PILRA: variants seen among roughly 807,000 people sequenced by gnomAD.
PILRA encodes paired immunoglobulin-like type 2 receptor alpha.
Under a neutral mutation model 33.1 loss-of-function variants are expected in PILRA, and 37 were observed. The ratio of observed to expected loss-of-function variants is 1.12; its 90% CI spans 0.86 to 1.47. The LOEUF is 1.47. Ranked by LOEUF, PILRA falls within the 40% of genes most tolerant of loss-of-function variation. The probability of loss-of-function intolerance (pLI) is 0.00; values close to 1 mark genes in which losing one functional copy is unlikely to be tolerated. For missense variants in PILRA, 312 were observed against 376.2 expected, an observed-to-expected ratio of 0.83 and a Z score of 1.41; for synonymous variants, 146 against 149.9, an observed-to-expected ratio of 0.97 and a Z score of 0.19.
chr7:100,371,532 G>T (rs1044782865), upstream of PILRA, among the ~76,000 whole-genome samples: 2 of 152,142 alleles, frequency 1.3e-5, no homozygotes, highest in African/African-American at 4.8e-5. Flanking sequence ...TAGGATACTT[G>T]TTGGGGGAAT....
intron 2 of PILRA, among the ~76,000 whole-genome samples, chr7:100,387,746 A>C (rs1186944936): frequency 6.6e-6 from 1 of 152,076 alleles, no homozygotes; most frequent in African/African-American, 2.4e-5. Flanking sequence ...ACATTTAACA[A>C]CATATAATTG....
At chr7:100,382,816 C>G (rs985151850) in intron 2 of PILRA, among the ~76,000 whole-genome samples, 1 of 152,094 alleles carries the variant, frequency 6.6e-6, no homozygotes, top group Non-Finnish European at 1.5e-5. Flanking sequence ...TGTAGCTTCA[C>G]TCTGGAAGCC....
chr7:100,391,387 T>A (rs1332742430), intron 3 of PILRA, among the ~76,000 whole-genome samples: 8 of 151,844 alleles, frequency 5.3e-5, no homozygotes, highest in African/African-American at 1.9e-4. Flanking sequence ...AAAAATTTTT[T>A]ATAAATGACA....
At chr7:100,382,349 G>T (rs761836493) in intron 2 of PILRA, among the ~76,000 whole-genome samples, 3 of 152,142 alleles carry the variant, frequency 2.0e-5, no homozygotes, top group Non-Finnish European at 2.9e-5. Context: ...TTGGCACTCT[G>T]TATCTAGCTA....
chr7:100,399,402 ACC>A, intron 5 of PILRA, 62 bp downstream of exon 5: 2 of 1,464,388 alleles, frequency 1.4e-6, no homozygotes, highest in Non-Finnish European at 1.9e-6. Context: ...TTCCCCAAAT[ACC>A]CCCTACCTGG....
At chr7:100,372,051 G>GT (rs1315592703), upstream of PILRA, among the ~76,000 whole-genome samples, 3 of 152,284 alleles carry the variant, frequency 2.0e-5, no homozygotes, top group African/African-American at 7.2e-5. Flanking sequence ...AGGTCCTCAG[G>GT]TGGGGCGGGC....
chr7:100,372,050 G>C (rs183652212), upstream of PILRA, among the ~76,000 whole-genome samples: 537 of 152,300 alleles, frequency 3.5e-3, 4 homozygotes, highest in African/African-American at 0.012. Context: ...CAGGTCCTCA[G>C]GTGGGGCGGG....
intron 3 of PILRA, among the ~76,000 whole-genome samples, chr7:100,397,548 A>AG (rs1446263171): frequency 7.1e-6 from 1 of 139,984 alleles, no homozygotes; most frequent in Non-Finnish European, 1.6e-5. Context: ...TGTCAAGGGA[A>AG]GGGGAGGGGA....
intron 2 of PILRA, among the ~76,000 whole-genome samples, chr7:100,386,402 G>T (rs1205824645): frequency 1.3e-5 from 2 of 152,098 alleles, no homozygotes; most frequent in Non-Finnish European, 2.9e-5. Context: ...TATTTGGGAG[G>T]CTGAGACACG....
In PILRA at chr7:100,374,337, C is replaced by G; in HGVS notation, c.358C>G (p.Gln120Glu). Residue 120 changes from glutamine (Q) to glutamate (E), a missense_variant, in exon 2 of 7, where the codon CAG becomes GAG. Transcript: ENST00000198536. ...GATCTCCAACCTGCAGAAGCAGGAC[C>G]AGTCTGTGTATTTCTGCCGAGTTGA... is the stretch of plus-strand genomic sequence containing the variant. The part of the protein sequence containing the change: ...LRISNLQKQD[Q>E]SVYFCRVELD... 6.2e-7 allele frequency: 1 copy of G among 1,614,054 alleles called. No individual in the cohort carries two copies. The highest frequency in any genetic ancestry group is 8.5e-7 in the Non-Finnish European group (1 of 1,180,008).
intron 2 of PILRA, among the ~76,000 whole-genome samples, chr7:100,378,844 G>T (rs182204528): frequency 8.3e-4 from 126 of 152,270 alleles, no homozygotes; most frequent in Middle Eastern, 6.8e-3. Context: ...TGTAAACCCA[G>T]CACTTTGGGA....
chr7:100,385,177 A>C (rs1447007974), intron 2 of PILRA, among the ~76,000 whole-genome samples: 1 of 152,214 alleles, frequency 6.6e-6, no homozygotes, highest in East Asian at 1.9e-4. Context: ...CACAAAAATA[A>C]ATAGCTAAAG....
At position 100,373,598 on chromosome 7, in the gene PILRA, C is replaced by A. The variant is rs1326031192; in HGVS notation, c.-59C>A. 1 of 1,601,592 alleles carries A rather than the reference C, an allele frequency of 6.2e-7. No individual in the cohort carries two copies. The highest frequency in any genetic ancestry group is 1.1e-5 in the South Asian group (1 of 90,834). ...ACCCCCAGGCGGCCCCTCCACAGGG[C>A]CCCTCTCCTGCCTGGACGGCTCTGC... On this transcript the variant is annotated 5_prime_UTR_variant, in exon 1 of 7. Coordinates refer to ENST00000198536, the MANE Select transcript of PILRA (RefSeq NM_013439.3).
At chr7:100,397,574 G>T (rs535408514) in intron 3 of PILRA, among the ~76,000 whole-genome samples, 1 of 152,234 alleles carries the variant, frequency 6.6e-6, no homozygotes, top group East Asian at 1.9e-4. Flanking sequence ...GAAGTGACTG[G>T]GCGAGGGCTC....
At chr7:100,386,728 G>T (rs781153465) in intron 2 of PILRA, among the ~76,000 whole-genome samples, 59 of 151,174 alleles carry the variant, frequency 3.9e-4, no homozygotes, top group Admixed American at 1.3e-3. Context: ...GGGTCTCACT[G>T]TGCTGCCCAG....
chr7:100,394,707 T>G (rs1200412639), intron 3 of PILRA, among the ~76,000 whole-genome samples: 3 of 151,872 alleles, frequency 2.0e-5, no homozygotes, highest in African/African-American at 7.3e-5. Context: ...GTCAAAAGAC[T>G]TGACAAGGGT....
chr7:100,394,050 A>G (rs1791443412), intron 3 of PILRA, among the ~76,000 whole-genome samples: 1 of 152,166 alleles, frequency 6.6e-6, no homozygotes, highest in South Asian at 2.1e-4. Flanking sequence ...TGTAACTAAG[A>G]ATAATTGAAT....
chr7:100,389,028 T>C (rs1212317892), intron 2 of PILRA, among the ~76,000 whole-genome samples: 1 of 152,198 alleles, frequency 6.6e-6, no homozygotes, highest in Non-Finnish European at 1.5e-5. Context: ...TTTTTTCTTA[T>C]GTTTCCTTTT....
At chr7:100,389,815 A>G in intron 2 of PILRA, 73 bp from the exon 3 acceptor site, 1 of 1,269,616 alleles carries the variant, frequency 7.9e-7, no homozygotes, top group Non-Finnish European at 1.1e-6. Flanking sequence ...CCTAGAAAGC[A>G]GCACACCACG....
Sources: gnomAD v4.1 joint callset for allele counts (sites outside exome capture counted in the v4.1 genomes callset) on GRCh38, gnomAD v4.1.1 for gene constraint, MANE v1.5 for transcripts, NCBI Gene and HGNC (gene_info 2026-07-23, HGNC 2026-07-21) for gene names.